Variants in DMD observed in about 807,000 individuals in gnomAD.
DMD encodes the protein mutant dystrophin.
Under a neutral mutation model 330.1 loss-of-function variants are expected in DMD, and 63 were observed. The ratio of observed to expected loss-of-function variants is 0.19; its 90% confidence interval spans 0.16 to 0.24. The LOEUF (loss-of-function observed/expected upper bound fraction) is 0.24, where lower values mean the gene tolerates loss of function less well. DMD is among the 10% of genes least tolerant of loss of function. DMD has a pLI of 1.00. For synonymous variants in DMD, 1,223 were observed against 959.8 expected (o/e 1.27, Z -5.07); for missense variants, 3,344 against 2,684.1 (o/e 1.25, Z -5.43).
chrX:31,277,546 T>C (rs890786219), intron 62 of DMD, among the ~76,000 whole-genome samples: 1 of 111,520 alleles, frequency 9.0e-6, no homozygotes, highest in Non-Finnish European at 1.9e-5. Flanking sequence ...CTGCATGGGA[T>C]CTAAGGTGGG....
intron 62 of DMD, among the ~76,000 whole-genome samples, chrX:31,298,930 G>A (rs746475080): frequency 4.5e-5 from 5 of 112,279 alleles, no homozygotes; most frequent in African/African-American, 1.6e-4. Flanking sequence ...TCTTCTGAGA[G>A]AGTTTCTGTA....
Position 32,656,166 on chromosome X carries a change from C to G in DMD, c.961-11014G>C, listed in dbSNP as rs182534148. Among the ~76,000 whole-genome samples, 64 of 111,842 alleles carry G rather than the reference C, an allele frequency of 5.7e-4. No homozygotes were observed. The East Asian group carries it at 0.016, about 28-fold the overall frequency. On this transcript the variant is annotated intron_variant, in intron 9 of 78. Transcript: ENST00000357033. ...ATGTGGCATGTAACCAAGTATTGGC[C>G]AGTTGGATATAACGCATCCAACTTC...
intron 6 of DMD, among the ~76,000 whole-genome samples, chrX:32,815,621 A>G (rs1238130332): frequency 9.3e-6 from 1 of 107,555 alleles, no homozygotes. Context: ...GTGTACATAT[A>G]CATATGTATT....
intron 44 of DMD, among the ~76,000 whole-genome samples, chrX:31,971,293 G>A (rs975796729): frequency 1.8e-5 from 2 of 111,946 alleles, no homozygotes; most frequent in Non-Finnish European, 3.8e-5. Flanking sequence ...TTGCTTTGTA[G>A]TTTTGATCTT....
chrX:31,183,077 G>A (rs769161572), intron 67 of DMD, 173 bp from the exon 68 acceptor site: 11 of 443,701 alleles, frequency 2.5e-5, no homozygotes, highest in Admixed American at 7.9e-5. Flanking sequence ...AATGCTCCCT[G>A]ATATCCAAAG....
At chrX:33,245,460 T>G (rs138290448) in intron 1 of DMD, among the ~76,000 whole-genome samples, 1,178 of 112,018 alleles carry the variant, frequency 0.011, 27 homozygotes, top group Admixed American at 0.06. Flanking sequence ...ACTAAACCTA[T>G]AATTTTTCCA....
At chrX:31,638,274 T>A (rs912085076) in intron 54 of DMD, among the ~76,000 whole-genome samples, 4 of 111,748 alleles carry the variant, frequency 3.6e-5, no homozygotes, top group Non-Finnish European at 5.6e-5. Flanking sequence ...ACGCATCCTG[T>A]CCAGACACCC....
In DMD at chrX:32,493,484, T is replaced by G. The variant is rs185901385; in HGVS notation, c.2381-1966A>C. ...GTCCGTGGCCTACAGGAGCTACATA[T>G]TCTAATATCCTCCTAATGCTTAAGG... On this transcript the variant is annotated intron_variant, in intron 19 of 78. Transcript: ENST00000357033. 3.0e-4 allele frequency among the ~76,000 whole-genome samples: 34 copies of G among 112,090 alleles called. No homozygotes were observed. In the East Asian group the frequency reaches 8.4e-3, roughly 28 times the overall value.
intron 52 of DMD, among the ~76,000 whole-genome samples, chrX:31,721,716 C>CTATATA (rs1411207828): frequency 2.1e-4 from 11 of 53,418 alleles, no homozygotes; most frequent in South Asian, 1.0e-3. Context: ...CTCTCTCTCT[C>CTATATA]TCTATATATA....
In DMD at chrX:32,739,748, T is replaced by A. The variant is rs765174075; in HGVS notation, c.650-40455A>T. Among the ~76,000 whole-genome samples the A allele has an allele frequency of 7.2e-5, 8 of 110,841 alleles. No homozygotes were observed. The East Asian group carries it at 2.3e-3, about 32-fold the overall frequency. ...ATCTTAAGAGAAGAGCTTTTATACTTTAGGGCAGCAGTTCTCATAGTGTGG... is the reference window on the plus strand; with the variant it reads ...ATCTTAAGAGAAGAGCTTTTATACTATAGGGCAGCAGTTCTCATAGTGTGG... On this transcript the variant is annotated intron_variant, in intron 7 of 78. Transcript: ENST00000357033.
At chrX:33,263,914 T>A (rs960509878) in intron 1 of DMD, among the ~76,000 whole-genome samples, 1 of 111,127 alleles carries the variant, frequency 9.0e-6, no homozygotes. Context: ...GTTCAACAAA[T>A]TGCACAAATA....
intron 41 of DMD, among the ~76,000 whole-genome samples, chrX:32,331,786 T>G (rs147304855): frequency 6.3e-5 from 7 of 111,791 alleles, no homozygotes; most frequent in African/African-American, 2.3e-4. Context: ...AAGCCAGTCA[T>G]TTGAGACAAT....
intron 37 of DMD, among the ~76,000 whole-genome samples, chrX:32,354,616 T>C (rs1309903859): frequency 8.9e-6 from 1 of 111,786 alleles, no homozygotes; most frequent in Non-Finnish European, 1.9e-5. Context: ...GTAAGAAATA[T>C]TATTTTTAAA....
At chrX:31,508,488 A>G (rs770045557) in intron 55 of DMD, 1 of 244,358 alleles carries the variant, frequency 4.1e-6, no homozygotes. Flanking sequence ...TGCAACTGAC[A>G]GTTTATATTA....
At chrX:31,176,532 C>T (rs1002278842) in intron 71 of DMD, among the ~76,000 whole-genome samples, 2 of 111,258 alleles carry the variant, frequency 1.8e-5, no homozygotes, top group African/African-American at 3.3e-5. Flanking sequence ...GCATATTTGT[C>T]GTTTGGATTT....
chrX:32,403,570 G>C (rs2098099573), intron 30 of DMD, among the ~76,000 whole-genome samples: 1 of 111,649 alleles, frequency 9.0e-6, no homozygotes, highest in African/African-American at 3.3e-5. Flanking sequence ...CGTGTGGCAA[G>C]TTTCTAGTAT....
At chrX:32,493,412 T>C (rs752730451) in intron 19 of DMD, among the ~76,000 whole-genome samples, 1 of 111,849 alleles carries the variant, frequency 8.9e-6, no homozygotes, top group South Asian at 3.7e-4. Context: ...AATAATAGAA[T>C]GTAAAAAGAA....
chrX:31,952,814 C>T (rs891659844), intron 45 of DMD, among the ~76,000 whole-genome samples: 7 of 111,557 alleles, frequency 6.3e-5, no homozygotes, highest in African/African-American at 2.0e-4. Context: ...ATTAAAGGAG[C>T]CCCAAATTCT....
intron 29 of DMD, among the ~76,000 whole-genome samples, chrX:32,418,898 G>A (rs1368140644): frequency 2.0e-5 from 2 of 102,175 alleles, no homozygotes; most frequent in South Asian, 4.6e-4. Context: ...GTGTGAACCC[G>A]GGAGGTAGAG....
Sources: allele counts gnomAD v4.1 joint callset (sites outside exome capture counted in the v4.1 genomes callset), GRCh38; gene constraint gnomAD v4.1.1; transcripts MANE v1.5; gene names NCBI Gene and HGNC (gene_info 2026-07-23, HGNC 2026-07-21).